The following ACTR3 variants were observed in gnomAD, a reference collection of about 807,000 sequenced individuals.
ACTR3 encodes the protein actin-related protein 3.
ACTR3 carries 12 observed loss-of-function variants against 56.8 expected under a neutral mutation model. That is an observed-to-expected ratio of 0.21 (90% confidence interval 0.14 to 0.34). ACTR3 has a LOEUF of 0.34. ACTR3 is among the 10% of genes least tolerant of loss of function. ACTR3 has a pLI of 1.00. For missense variants in ACTR3, 282 were observed against 512.5 expected (o/e 0.55, Z 4.34); for synonymous variants, 162 against 167.4 (o/e 0.97, Z 0.25).
rs561193956 is a variant in ACTR3, at chr2:113,961,724, C to G, written c.*4269C>G. On this transcript the variant is annotated 3_prime_UTR_variant, in exon 12 of 12. Coordinates refer to ENST00000263238, the MANE Select transcript of ACTR3 (RefSeq NM_005721.5). Reference sequence around the variant, plus strand: ...CCTTGGCTTAGTCTAATAGTAAAGGCACTCTTAGAGGAGGGACAAATATTT... The same window carrying G: ...CCTTGGCTTAGTCTAATAGTAAAGGGACTCTTAGAGGAGGGACAAATATTT... 1 of 152,022 alleles carries G rather than the reference C, an allele frequency of 6.6e-6. No individual in the cohort carries two copies. The highest frequency in any genetic ancestry group is 1.5e-5 in the Non-Finnish European group (1 of 67,860). 9.4% of individuals were successfully genotyped at this position (152,022 alleles called of 1,614,324 possible). A position where few individuals can be genotyped will look rare whatever the true frequency, so the allele number is the denominator to read the frequency against.
At chr2:113,919,969 G>A (rs149243100) in intron 3 of ACTR3, among the ~76,000 whole-genome samples, 7,466 of 152,138 alleles carry the variant, frequency 0.049, 590 homozygotes, top group African/African-American at 0.17. Flanking sequence ...TGTCTCCCAG[G>A]CTGGAGTGCA....
At chr2:113,889,988 G>A (rs943757732), upstream of ACTR3, 17 of 531,018 alleles carry the variant, frequency 3.2e-5, no homozygotes, top group African/African-American at 6.1e-5. Context: ...AAGGCGGCGT[G>A]AGGGGAAGAA....
intron 1 of ACTR3, among the ~76,000 whole-genome samples, chr2:113,895,352 AGC>A (rs1302766729): frequency 1.3e-5 from 2 of 152,206 alleles, no homozygotes; most frequent in African/African-American, 4.8e-5. Context: ...AGTATGGCAG[AGC>A]CACTACACTA....
chr2:113,892,631 G>A (rs926807477), intron 1 of ACTR3, among the ~76,000 whole-genome samples: 3 of 152,178 alleles, frequency 2.0e-5, no homozygotes, highest in Non-Finnish European at 4.4e-5. Context: ...TTAACAGGGA[G>A]CTTTTACATT....
At chr2:113,925,471 C>T (rs982796542) in intron 3 of ACTR3, among the ~76,000 whole-genome samples, 1 of 152,138 alleles carries the variant, frequency 6.6e-6, no homozygotes, top group Admixed American at 6.5e-5. Flanking sequence ...GCTGGGATTA[C>T]AGGCATGAGC....
At chr2:113,917,195 C>T (rs1216953727) in intron 3 of ACTR3, among the ~76,000 whole-genome samples, 187 bp downstream of exon 3, 1 of 151,406 alleles carries the variant, frequency 6.6e-6, no homozygotes, top group Non-Finnish European at 1.5e-5. Context: ...TTTTAATAAC[C>T]CCTAAGAGGA....
At chr2:113,930,329 T>C (rs1195461987) in intron 4 of ACTR3, among the ~76,000 whole-genome samples, 1 of 152,132 alleles carries the variant, frequency 6.6e-6, no homozygotes, top group Non-Finnish European at 1.5e-5. Context: ...GGTAACAGTA[T>C]ACTTAGTTGT....
Position 113,955,692 on chromosome 2 carries a change from A to G in ACTR3, c.1147A>G (p.Met383Val). The G allele has an allele frequency of 6.2e-7, 1 of 1,611,758 alleles. No individual in the cohort carries two copies. Among genetic ancestry groups the G allele is most frequent in the Non-Finnish European group, 8.5e-7 (1 of 1,178,108 alleles). The change falls in exon 11 of 12, where the codon ATG (methionine) becomes GTG (valine). Residue 383 changes from methionine (M) to valine (V), a missense_variant. Transcript: ENST00000263238. ...ATATGCAGTTTGGTTTGGAGGATCA[A>G]TGCTGGCTTCCACGGTGAGTGTGAT... ...QRYAVWFGGS[M>V]LASTPEFYQV...
intron 5 of ACTR3, chr2:113,933,740 C>CATGATCT (rs1369459492): frequency 9.1e-5 from 13 of 142,306 alleles, no homozygotes; most frequent in African/African-American, 3.3e-4. Flanking sequence ...AGTACAGTGG[C>CATGATCT]ATGATCTCGG....
At chr2:113,893,051 C>T (rs1332415741) in intron 1 of ACTR3, among the ~76,000 whole-genome samples, 1 of 152,136 alleles carries the variant, frequency 6.6e-6, no homozygotes, top group African/African-American at 2.4e-5. Context: ...CTTTTTTGGT[C>T]TGTATTGGAA....
Position 113,959,612 on chromosome 2 carries a change from T to G in ACTR3, c.*2157T>G, listed in dbSNP as rs1235137416. ...TCTTGTGTATGTTCTGATATCCCTT[T>G]GCTCTACTTTTAGAGGAGTGAACCC... On this transcript the variant is annotated 3_prime_UTR_variant, in exon 12 of 12. Transcript: ENST00000263238. 1 of 152,080 alleles carries G rather than the reference T, an allele frequency of 6.6e-6. No individual in the cohort carries two copies. Among genetic ancestry groups the G allele is most frequent in the Non-Finnish European group, 1.5e-5 (1 of 67,938 alleles). 9.4% of individuals were successfully genotyped at this position (152,080 alleles called of 1,614,324 possible). A position where few individuals can be genotyped will look rare whatever the true frequency, so the allele number is the denominator to read the frequency against.
intron 10 of ACTR3, chr2:113,952,972 T>C (rs979298134): frequency 6.6e-6 from 1 of 152,200 alleles, no homozygotes; most frequent in Non-Finnish European, 1.5e-5. Context: ...TTCTCTGTAC[T>C]GAGAATCCTA....
intron 1 of ACTR3, among the ~76,000 whole-genome samples, chr2:113,899,442 CTA>C (rs1679062018): frequency 6.6e-6 from 1 of 152,282 alleles, no homozygotes; most frequent in East Asian, 1.9e-4. Context: ...GTGCTGAACA[CTA>C]TGGTATATAC....
At position 113,899,877 on chromosome 2, in the gene ACTR3, C is replaced by G. The variant is rs531410808; in HGVS notation, c.44+9554C>G. On this transcript the variant is annotated intron_variant, in intron 1 of 11. Coordinates refer to ENST00000263238, the MANE Select transcript of ACTR3 (RefSeq NM_005721.5). Reference sequence around the variant, plus strand: ...TTAGGAAATTGCCCTGCCTGGAATTCAGATATTTCTGTTGGGAGCTGTGGG... The same window carrying G: ...TTAGGAAATTGCCCTGCCTGGAATTGAGATATTTCTGTTGGGAGCTGTGGG... Among the ~76,000 whole-genome samples the G allele has an allele frequency of 6.6e-5, 10 of 152,286 alleles. No homozygotes were observed. The South Asian group carries it at 1.4e-3, about 22-fold the overall frequency.
At chr2:113,916,403 G>A (rs1679405709) in intron 2 of ACTR3, among the ~76,000 whole-genome samples, 1 of 152,034 alleles carries the variant, frequency 6.6e-6, no homozygotes, top group Non-Finnish European at 1.5e-5. Context: ...TAAATTACTA[G>A]ACCACAATAG....
intron 1 of ACTR3, among the ~76,000 whole-genome samples, chr2:113,909,868 A>G (rs563241661): frequency 2.8e-4 from 42 of 152,306 alleles, no homozygotes; most frequent in African/African-American, 9.9e-4. Flanking sequence ...ACAATTTTAC[A>G]ATGAACAATT....
chr2:113,893,190 A>G (rs193061127), intron 1 of ACTR3, among the ~76,000 whole-genome samples: 1 of 152,174 alleles, frequency 6.6e-6, no homozygotes, highest in Non-Finnish European at 1.5e-5. Flanking sequence ...AACATTTTTT[A>G]AAAAAACATT....
At chr2:113,911,469 G>A in intron 1 of ACTR3, among the ~76,000 whole-genome samples, 1 of 145,486 alleles carries the variant, frequency 6.9e-6, no homozygotes. Flanking sequence ...ACCCAGGCTG[G>A]AATACAGTGG....
chr2:113,953,487 A>G (rs1415709278), intron 10 of ACTR3: 1 of 152,182 alleles, frequency 6.6e-6, no homozygotes, highest in East Asian at 1.9e-4. Flanking sequence ...GATGCTCATC[A>G]TGTATAGGAA....
Sources: allele counts gnomAD v4.1 joint callset (sites outside exome capture counted in the v4.1 genomes callset), GRCh38; gene constraint gnomAD v4.1.1; transcripts MANE v1.5; gene names NCBI Gene and HGNC (gene_info 2026-07-23, HGNC 2026-07-21).